The following NTRK2 variants were observed in gnomAD, a reference collection of about 807,000 sequenced individuals.
NTRK2 encodes the protein BDNF/NT-3 growth factors receptor.
NTRK2 carries 13 observed loss-of-function variants against 94.5 expected under a neutral mutation model. The observed-to-expected ratio is 0.14, with a 90% CI of 0.09 to 0.22. NTRK2 has a LOEUF of 0.22. NTRK2 is among the 10% of genes least tolerant of loss of function. NTRK2 has a pLI of 1.00. For missense variants in NTRK2, 639 were observed against 1,071.2 expected, an observed-to-expected ratio of 0.60 and a Z score of 5.63; for synonymous variants, 372 against 407.4, an observed-to-expected ratio of 0.91 and a Z score of 1.05.
chr9:84,924,287 GAAA>G (rs2077680208), intron 14 of NTRK2, among the ~76,000 whole-genome samples: 1 of 144,944 alleles, frequency 6.9e-6, no homozygotes, highest in Non-Finnish European at 1.5e-5. Flanking sequence ...AAGAAAGAAA[GAAA>G]GAAAGAGGAA....
At chr9:84,957,930 A>C (rs143141894) in intron 17 of NTRK2, among the ~76,000 whole-genome samples, 6 of 152,366 alleles carry the variant, frequency 3.9e-5, no homozygotes, top group Admixed American at 3.9e-4. Context: ...TAAAGTACTG[A>C]TTCATGCTGC....
chr9:84,682,646 T>TC (rs2059460161), intron 2 of NTRK2, among the ~76,000 whole-genome samples: 2 of 152,060 alleles, frequency 1.3e-5, no homozygotes, highest in South Asian at 4.2e-4. Flanking sequence ...CCCTCTAAAA[T>TC]CCCTCAGCTC....
intron 17 of NTRK2, among the ~76,000 whole-genome samples, chr9:84,975,609 T>C (rs1050069057): frequency 1.3e-5 from 2 of 152,216 alleles, no homozygotes; most frequent in African/African-American, 4.8e-5. Flanking sequence ...TGTGACGTTA[T>C]TACCAGTGAA....
intron 2 of NTRK2, among the ~76,000 whole-genome samples, chr9:84,695,019 C>A (rs1191456938): frequency 4.9e-5 from 7 of 143,682 alleles, no homozygotes; most frequent in African/African-American, 1.8e-4. Flanking sequence ...CGCGCCACTG[C>A]ACTCCAGCCT....
chr9:84,990,431 A>G (rs1048372646), intron 17 of NTRK2, among the ~76,000 whole-genome samples: 1 of 152,116 alleles, frequency 6.6e-6, no homozygotes, highest in Non-Finnish European at 1.5e-5. Flanking sequence ...ATTGCCTCCC[A>G]TTTTGTGTGG....
At chr9:85,016,488 C>T (rs1376137772) in intron 17 of NTRK2, among the ~76,000 whole-genome samples, 2 of 152,144 alleles carry the variant, frequency 1.3e-5, no homozygotes, top group African/African-American at 4.8e-5. Flanking sequence ...TTCCTGGGAT[C>T]ACATTCCATC....
intron 17 of NTRK2, among the ~76,000 whole-genome samples, chr9:85,013,600 C>T (rs1026156927): frequency 4.6e-5 from 7 of 152,116 alleles, no homozygotes; most frequent in African/African-American, 1.7e-4. Flanking sequence ...CCTCCTTTTA[C>T]AGATATAACA....
At chr9:84,970,972 A>G (rs1406449112) in intron 17 of NTRK2, among the ~76,000 whole-genome samples, 1 of 152,200 alleles carries the variant, frequency 6.6e-6, no homozygotes, top group Non-Finnish European at 1.5e-5. Context: ...CCCCTTCAGC[A>G]TCTCCACTTT....
At chr9:84,888,619 A>G (rs1248140036) in intron 14 of NTRK2, among the ~76,000 whole-genome samples, 63 of 77,992 alleles carry the variant, frequency 8.1e-4, no homozygotes, top group Admixed American at 6.1e-3. Context: ...CTCAAAAAAA[A>G]AAAAAAAAAA....
rs200099717 is a variant in NTRK2 at position 84,727,892 on chromosome 9, G to A, written c.1092G>A (p.Lys364=). 1.2e-6 allele frequency: 2 copies of A among 1,614,198 alleles called. No individual in the cohort carries two copies. The highest frequency in any genetic ancestry group is 1.7e-6 in the Non-Finnish European group (2 of 1,180,032). The part of the protein sequence containing the change: ...MNNGDYTLIA[K]NEYGKDEKQI... Reference sequence around the variant, plus strand: ...ATGGGGACTACACTCTAATAGCCAAGAATGAGTATGGGAAGGATGAGAAAC... The same window carrying A: ...ATGGGGACTACACTCTAATAGCCAAAAATGAGTATGGGAAGGATGAGAAAC... The change falls in exon 9 of 19, where the codon AAG becomes AAA. Residue 364 remains lysine (K), a synonymous_variant. Coordinates refer to ENST00000277120, the MANE Select transcript of NTRK2 (RefSeq NM_006180.6).
At chr9:84,856,931 C>A (rs2075091775) in intron 12 of NTRK2, among the ~76,000 whole-genome samples, 2 of 152,176 alleles carry the variant, frequency 1.3e-5, no homozygotes, top group South Asian at 2.1e-4. Flanking sequence ...AGATCAGAAC[C>A]TTTCTAAGCC....
In NTRK2 at chr9:84,767,329, G is replaced by C. The variant is rs1182068112; in HGVS notation, c.1396+15244G>C. 5.9e-5 allele frequency among the ~76,000 whole-genome samples: 9 copies of C among 152,252 alleles called. No homozygotes were observed. In the East Asian group the frequency reaches 1.7e-3, roughly 29 times the overall value. ...CCTCACAATGGTTAAACATTAAGTAGAACCCATCCATGCTTTTTGCATAGC... is the reference window on the plus strand; with the variant it reads ...CCTCACAATGGTTAAACATTAAGTACAACCCATCCATGCTTTTTGCATAGC... On this transcript the variant is annotated intron_variant, in intron 12 of 18. Transcript: ENST00000277120.
intron 15 of NTRK2, among the ~76,000 whole-genome samples, chr9:84,945,877 G>T (rs565951328): frequency 6.6e-6 from 1 of 152,284 alleles, no homozygotes; most frequent in South Asian, 2.1e-4. Context: ...AAACCACAGA[G>T]TAAAGTGAAA....
chr9:84,746,665 C>T (rs956534830), intron 11 of NTRK2, among the ~76,000 whole-genome samples: 1 of 152,254 alleles, frequency 6.6e-6, no homozygotes, highest in Admixed American at 6.5e-5. Flanking sequence ...TCATCTCCCA[C>T]GCTCTTCTTA....
chr9:85,002,097 T>G (rs1235661217), intron 17 of NTRK2, among the ~76,000 whole-genome samples: 1 of 152,184 alleles, frequency 6.6e-6, no homozygotes, highest in East Asian at 1.9e-4. Flanking sequence ...GACCTTACCT[T>G]GGTTACTGGT....
intron 12 of NTRK2, among the ~76,000 whole-genome samples, chr9:84,753,297 T>C (rs1484739635): frequency 6.6e-6 from 1 of 152,108 alleles, no homozygotes; most frequent in Non-Finnish European, 1.5e-5. Flanking sequence ...ACAGTGATTT[T>C]AATTCATCCT....
intron 7 of NTRK2, 115 bp downstream of exon 7, chr9:84,723,824 T>G: frequency 2.1e-6 from 3 of 1,401,542 alleles, no homozygotes; most frequent in Non-Finnish European, 1.0e-6. Context: ...ATATAGAAAT[T>G]TACAAAGAGT....
chr9:84,804,430 G>T (rs529965999), intron 12 of NTRK2, among the ~76,000 whole-genome samples: 1 of 152,222 alleles, frequency 6.6e-6, no homozygotes, highest in South Asian at 2.1e-4. Context: ...TGTACAAATT[G>T]ATTCCCAGAT....
Position 84,670,463 on chromosome 9 carries a change from G to T in NTRK2, c.-286G>T. 2.1e-6 allele frequency: 1 copy of T among 468,200 alleles called. No individual in the cohort carries two copies. The highest frequency in any genetic ancestry group is 3.9e-6 in the Non-Finnish European group (1 of 257,240). 29.0% of individuals were successfully genotyped at this position (468,200 alleles called of 1,614,324 possible). The stretch of plus-strand genomic sequence containing the variant: ...CCGGGAGCGCCGCCGGTCGGTGCCC[G>T]GCGCGCCGGGCCATGCAGCGACGGC... On this transcript the variant is annotated 5_prime_UTR_variant, in exon 2 of 19. Coordinates refer to ENST00000277120, the MANE Select transcript of NTRK2 (RefSeq NM_006180.6).
Sources: gnomAD v4.1 joint callset for allele counts (sites outside exome capture counted in the v4.1 genomes callset) on GRCh38, gnomAD v4.1.1 for gene constraint, MANE v1.5 for transcripts, NCBI Gene and HGNC (gene_info 2026-07-23, HGNC 2026-07-21) for gene names.